The following RAP1A variants were observed in gnomAD, a reference collection of about 807,000 sequenced individuals.
The protein encoded by RAP1A is RAP1A, member of RAS oncogene family.
A neutral mutation model predicts 26.4 loss-of-function variants in RAP1A; 6 were observed. That is an observed-to-expected ratio of 0.23 (90% CI 0.12 to 0.45). RAP1A has a LOEUF of 0.45. Ranked by LOEUF, RAP1A falls within the 20% of genes least tolerant of loss-of-function variation. The probability of loss-of-function intolerance (pLI) is 0.99; values close to 1 mark genes in which losing one functional copy is unlikely to be tolerated. For missense variants in RAP1A, 121 were observed against 217.2 expected (o/e 0.56, Z 2.78); for synonymous variants, 73 against 79.4 (o/e 0.92, Z 0.43).
At chr1:111,654,827 GTTTA>G (rs2101143706) in intron 1 of RAP1A, among the ~76,000 whole-genome samples, 1 of 150,198 alleles carries the variant, frequency 6.7e-6, no homozygotes, top group Non-Finnish European at 1.5e-5. Flanking sequence ...TTTATTATAT[GTTTA>G]TTTACTTATT....
At chr1:111,577,546 T>G (rs1283138181) in intron 1 of RAP1A, among the ~76,000 whole-genome samples, 1 of 151,998 alleles carries the variant, frequency 6.6e-6, no homozygotes, top group Non-Finnish European at 1.5e-5. Context: ...CTGATGGTAA[T>G]TTCTCCATAA....
intron 1 of RAP1A, among the ~76,000 whole-genome samples, chr1:111,651,703 C>T (rs992455611): frequency 1.3e-5 from 2 of 151,868 alleles, no homozygotes; most frequent in Admixed American, 6.6e-5. Context: ...TCTTGAACTC[C>T]TGACCTCAAG....
At chr1:111,606,495 C>T (rs1394553862) in intron 1 of RAP1A, among the ~76,000 whole-genome samples, 2 of 152,202 alleles carry the variant, frequency 1.3e-5, no homozygotes, top group African/African-American at 2.4e-5. Context: ...CCAAATACTA[C>T]ATCTCCTCAC....
intron 1 of RAP1A, among the ~76,000 whole-genome samples, chr1:111,653,683 CAAAAAAAAAA>C (rs71099925): frequency 1.4e-4 from 9 of 65,694 alleles, no homozygotes; most frequent in Non-Finnish European, 8.4e-5. Context: ...AACTCTGTCT[CAAAAAAAAAA>C]AAAAAAAAAA....
chr1:111,692,348 G>A (rs888712037), intron 2 of RAP1A, among the ~76,000 whole-genome samples: 11 of 152,180 alleles, frequency 7.2e-5, no homozygotes, highest in East Asian at 3.9e-4. Flanking sequence ...AAGAGAGGCC[G>A]GTGATATGAT....
At chr1:111,557,455 C>A (rs921759969) in intron 1 of RAP1A, among the ~76,000 whole-genome samples, 1 of 151,796 alleles carries the variant, frequency 6.6e-6, no homozygotes, top group African/African-American at 2.4e-5. Flanking sequence ...GAGGCTGAAG[C>A]AGGAGAATCG....
chr1:111,704,293 CTAAG>C (rs1662118356), intron 5 of RAP1A, 46 bp from the exon 6 acceptor site: 1 of 1,575,278 alleles, frequency 6.3e-7, no homozygotes, highest in African/African-American at 1.4e-5. Context: ...TTTTAAAAGG[CTAAG>C]TAATGAGTAT....
Position 111,560,253 on chromosome 1 carries a change from C to T in RAP1A, c.-28+17744C>T, listed in dbSNP as rs558179254. Among the ~76,000 whole-genome samples the T allele has an allele frequency of 2.0e-4, 31 of 152,216 alleles. 1 individual carries two copies. The highest frequency in any genetic ancestry group is 7.5e-4 in the African/African-American group (31 of 41,520). Reference sequence around the variant, plus strand: ...CTTACAATCTTTAGAGCTGAACTAACAAAGAGAGTGAGGTCAATCGTTCTC... The same window carrying T: ...CTTACAATCTTTAGAGCTGAACTAATAAAGAGAGTGAGGTCAATCGTTCTC... On this transcript the variant is annotated intron_variant, in intron 1 of 7. Coordinates refer to the RAP1A transcript ENST00000356415.
chr1:111,686,378 C>T lies in RAP1A; in HGVS notation c.-27-4956C>T, dbSNP rs572760446. ...CTTTGGGAGGCCGAGGCGTCTTGAG[C>T]CTTACTTAATGGCCTCTTTCATTAT... On this transcript the variant is annotated intron_variant, in intron 1 of 7. Coordinates refer to ENST00000369709, the MANE Select transcript of RAP1A (RefSeq NM_002884.4). Among the ~76,000 whole-genome samples the T allele has an allele frequency of 6.6e-5, 10 of 152,200 alleles. No individual in the cohort carries two copies. In the South Asian group the frequency reaches 1.9e-3, roughly 28 times the overall value.
intron 1 of RAP1A, among the ~76,000 whole-genome samples, chr1:111,561,069 A>C (rs901932735): frequency 6.6e-6 from 1 of 152,206 alleles, no homozygotes; most frequent in African/African-American, 2.4e-5. Flanking sequence ...CCTGAAGAAG[A>C]AAATAATAGG....
In RAP1A at chr1:111,664,390, A is replaced by C. The variant is rs866314031; in HGVS notation, c.-27-26944A>C. On this transcript the variant is annotated intron_variant, in intron 1 of 7. Coordinates refer to ENST00000369709, the MANE Select transcript of RAP1A (RefSeq NM_002884.4). The stretch of plus-strand genomic sequence containing the variant: ...CTCCGTCTCAAAAAAAAAAAAAAAA[A>C]AAAAAAAACAAAAAACAAAACCACA... 1.7e-4 allele frequency among the ~76,000 whole-genome samples: 26 copies of C among 151,196 alleles called. No homozygotes were observed. The Middle Eastern group carries it at 0.01, about 60-fold the overall frequency.
intron 1 of RAP1A, among the ~76,000 whole-genome samples, chr1:111,590,773 A>G (rs530267425): frequency 6.6e-6 from 1 of 152,288 alleles, no homozygotes; most frequent in African/African-American, 2.4e-5. Flanking sequence ...GATCACAAAT[A>G]TTAGCTTTAA....
intron 1 of RAP1A, among the ~76,000 whole-genome samples, chr1:111,567,400 C>T (rs1657946155): frequency 6.6e-6 from 1 of 152,174 alleles, no homozygotes; most frequent in African/African-American, 2.4e-5. Context: ...GTAGAAAGGC[C>T]TTAAATGGCA....
chr1:111,548,452 T>C (rs1172514085), intron 1 of RAP1A, among the ~76,000 whole-genome samples: 1 of 152,232 alleles, frequency 6.6e-6, no homozygotes, highest in Non-Finnish European at 1.5e-5. Context: ...ACTCTGCTTG[T>C]TTAAAATTTC....
intron 1 of RAP1A, among the ~76,000 whole-genome samples, chr1:111,557,703 A>G (rs1657557700): frequency 6.6e-6 from 1 of 152,222 alleles, no homozygotes; most frequent in Non-Finnish European, 1.5e-5. Flanking sequence ...TAGAAGGGAT[A>G]CTAAACAAAT....
intron 1 of RAP1A, among the ~76,000 whole-genome samples, chr1:111,661,168 C>T (rs1266525453): frequency 1.3e-5 from 2 of 152,098 alleles, no homozygotes; most frequent in Non-Finnish European, 2.9e-5. Context: ...CTGTGCAGAC[C>T]CTTGTAAGCC....
chr1:111,638,543 G>A (rs1659793991), intron 1 of RAP1A, among the ~76,000 whole-genome samples: 1 of 152,132 alleles, frequency 6.6e-6, no homozygotes, highest in Non-Finnish European at 1.5e-5. Context: ...CCCCACCTTA[G>A]CCTCCTGAGT....
chr1:111,652,293 A>G (rs1660300375), intron 1 of RAP1A, among the ~76,000 whole-genome samples: 1 of 150,950 alleles, frequency 6.6e-6, no homozygotes, highest in African/African-American at 2.4e-5. Flanking sequence ...CTGTTCTTGT[A>G]TTCATAGACC....
chr1:111,674,831 G>A (rs957369765), intron 1 of RAP1A, among the ~76,000 whole-genome samples: 3 of 152,066 alleles, frequency 2.0e-5, no homozygotes, highest in African/African-American at 2.4e-5. Flanking sequence ...GTACAGGCCC[G>A]TGTCATCTCT....
Sources: allele counts gnomAD v4.1 joint callset (sites outside exome capture counted in the v4.1 genomes callset), GRCh38; gene constraint gnomAD v4.1.1; transcripts MANE v1.5; gene names NCBI Gene and HGNC (gene_info 2026-07-23, HGNC 2026-07-21).